Variants in ENO4 observed in about 807,000 individuals in gnomAD.
ENO4 encodes the protein 2-phospho-D-glycerate hydro-lyase.
Under a neutral mutation model 63.2 loss-of-function variants are expected in ENO4, and 53 were observed. That is an observed-to-expected ratio of 0.84 (90% CI 0.67 to 1.05). The LOEUF (loss-of-function observed/expected upper bound fraction) is 1.05. ENO4 is among the 50% of genes least tolerant of loss of function. ENO4 has a pLI of 0.00. For synonymous variants in ENO4, 266 were observed against 283.8 expected (o/e 0.94, Z 0.63); for missense variants, 719 against 772.0 (o/e 0.93, Z 0.81).
chr10:116,886,518 T>C (rs1847169128), downstream of ENO4: 2 of 1,614,176 alleles, frequency 1.2e-6, no homozygotes, highest in Non-Finnish European at 1.7e-6. Flanking sequence ...GTTCGGCTTG[T>C]TTTTCACCGT....
chr10:116,901,823 C>G lies in ENO4; in HGVS notation c.1195-9676C>G, dbSNP rs1847749096. 2.5e-6 allele frequency: 4 copies of G among 1,600,950 alleles called. No individual in the cohort carries two copies. The East Asian group carries it at 9.0e-5, about 36-fold the overall frequency. Reference sequence around the variant, plus strand: ...AATTTACGGGGCCCTTCACCTGGCTCAGGTGTTGGGGGGGACGGGCTGTTG... The same window carrying G: ...AATTTACGGGGCCCTTCACCTGGCTGAGGTGTTGGGGGGGACGGGCTGTTG... On this transcript the variant is annotated intron_variant, in intron 10 of 10. Transcript: ENST00000369207.
rs998451010 is a variant in ENO4 at position 116,871,277 on chromosome 10, T to C, written c.1200T>C (p.His400=). Residue 400 remains histidine (H), a synonymous_variant, in exon 9 of 14, where the codon CAT becomes CAC. Coordinates refer to ENST00000341276, the MANE Select transcript of ENO4 (RefSeq NM_001242699.2). ...ATCTAGCTATCAACTGTGCTGGACA[T>C]GAGCTGATGGACTACGTAAGTTTCC... ...NLHLAINCAG[H]ELMDYNKGKY... The C allele has an allele frequency of 3.2e-6, 5 of 1,548,508 alleles. No individual in the cohort carries two copies. The highest frequency in any genetic ancestry group is 4.4e-6 in the Non-Finnish European group (5 of 1,145,400).
chr10:116,860,733 T>C (rs1846386924), intron 4 of ENO4, 61 bp from the exon 5 acceptor site: 1 of 1,202,346 alleles, frequency 8.3e-7, no homozygotes, highest in East Asian at 2.9e-5. Context: ...TTCCTGGGTC[T>C]TTCCATCTGT....
chr10:116,896,709 G>A (rs187558073), intron 10 of ENO4, among the ~76,000 whole-genome samples: 2 of 151,936 alleles, frequency 1.3e-5, no homozygotes, highest in Admixed American at 6.5e-5. Context: ...GAGCGGCTCC[G>A]AAGCAGTCGT....
At chr10:116,900,573 C>A (rs1311740255) in intron 10 of ENO4, 2 of 1,533,126 alleles carry the variant, frequency 1.3e-6, no homozygotes, top group South Asian at 1.2e-5. Context: ...AAAATCTATA[C>A]ACACACACTG....
intron 11 of ENO4, among the ~76,000 whole-genome samples, chr10:116,878,893 AC>A (rs1252090098): frequency 6.6e-6 from 1 of 151,642 alleles, no homozygotes; most frequent in Non-Finnish European, 1.5e-5. Context: ...ACAGGTGCCT[AC>A]CACCACGCCC....
At chr10:116,865,009 G>C (rs1470672658) in intron 7 of ENO4, among the ~76,000 whole-genome samples, 2 of 152,124 alleles carry the variant, frequency 1.3e-5, no homozygotes, top group Non-Finnish European at 2.9e-5. Flanking sequence ...AATAGAGTGA[G>C]ACTCCGTCTC....
intron 4 of ENO4, 114 bp downstream of exon 4, chr10:116,859,252 G>A (rs1046029030): frequency 2.7e-5 from 33 of 1,239,740 alleles, no homozygotes; most frequent in Middle Eastern, 2.4e-4. Context: ...TTGGGCTCAC[G>A]GCTAAAAGCC....
intron 7 of ENO4, among the ~76,000 whole-genome samples, chr10:116,867,301 C>T (rs953870624): frequency 1.3e-5 from 2 of 151,930 alleles, no homozygotes; most frequent in African/African-American, 4.8e-5. Context: ...CAGTTTTTAG[C>T]CATTTTTAAA....
chr10:116,899,730 T>C (rs905574013), intron 10 of ENO4, among the ~76,000 whole-genome samples: 1 of 152,174 alleles, frequency 6.6e-6, no homozygotes, highest in Non-Finnish European at 1.5e-5. Flanking sequence ...AAGACAGTTT[T>C]TAAAAGCAAA....
chr10:116,886,406 G>C (rs1315220092), downstream of ENO4: 15 of 1,587,346 alleles, frequency 9.4e-6, no homozygotes, highest in Non-Finnish European at 2.6e-6. Context: ...TTTTCTGGTT[G>C]AATTTCGCCT....
Position 116,874,056 on chromosome 10 carries a change from A to G in ENO4, c.1216-20A>G, listed in dbSNP as rs1430952585. ...TTCATTATTTATCCCTTATTTTAAT[A>G]TTTTCCTGACACATATCAGAATAAA... On this transcript the variant is annotated intron_variant, in intron 9 of 13. Transcript: ENST00000341276. 1 of 1,520,684 alleles carries G rather than the reference A, an allele frequency of 6.6e-7. No homozygotes were observed. Among genetic ancestry groups the G allele is most frequent in the South Asian group, 1.2e-5 (1 of 80,618 alleles). 94.2% of individuals were successfully genotyped at this position (1,520,684 alleles called of 1,614,324 possible).
At chr10:116,865,831 G>C (rs1308053811) in intron 7 of ENO4, among the ~76,000 whole-genome samples, 2 of 152,196 alleles carry the variant, frequency 1.3e-5, no homozygotes, top group Non-Finnish European at 2.9e-5. Context: ...CTGCTTTAAG[G>C]CTGTTGCTTT....
At chr10:116,891,823 T>C (rs778754102) in intron 10 of ENO4, among the ~76,000 whole-genome samples, 1 of 152,216 alleles carries the variant, frequency 6.6e-6, no homozygotes, top group Non-Finnish European at 1.5e-5. Context: ...CTACCGATTC[T>C]AGCATTATTT....
chr10:116,873,895 C>T (rs2133274545), intron 9 of ENO4, 181 bp from the exon 10 acceptor site: 1 of 984,028 alleles, frequency 1.0e-6, no homozygotes, highest in South Asian at 4.7e-5. Context: ...CTTGATTTCC[C>T]AGGTTAATAT....
At chr10:116,877,066 C>G (rs1262742297) in intron 11 of ENO4, among the ~76,000 whole-genome samples, 2 of 152,092 alleles carry the variant, frequency 1.3e-5, no homozygotes, top group Non-Finnish European at 2.9e-5. Context: ...CCTGGGTACC[C>G]ATCTGCACTA....
intron 10 of ENO4, among the ~76,000 whole-genome samples, chr10:116,898,864 C>T (rs946764810): frequency 3.3e-5 from 5 of 151,924 alleles, no homozygotes; most frequent in African/African-American, 1.2e-4. Flanking sequence ...TCTTATAAGT[C>T]CCTAGGAAAT....
At chr10:116,907,407 G>A (rs1848013497) in intron 10 of ENO4, among the ~76,000 whole-genome samples, 1 of 152,064 alleles carries the variant, frequency 6.6e-6, no homozygotes, top group Non-Finnish European at 1.5e-5. Context: ...TATTATTCAG[G>A]GCCCAGAAGA....
chr10:116,900,503 A>C lies in ENO4; in HGVS notation c.1195-10996A>C, dbSNP rs1156452613. ...TTTTGGAGAACAAAAGGCAGACAAA[A>C]GGAGGAAGGAGTTGCAGTATTTTCT... On this transcript the variant is annotated intron_variant, in intron 10 of 10. Coordinates refer to the ENO4 transcript ENST00000369207. The C allele has an allele frequency of 1.7e-5, 25 of 1,491,592 alleles. No individual in the cohort carries two copies. The South Asian group carries it at 1.7e-4, about 10-fold the overall frequency. The allele number at this position is 1,491,592 out of a possible 1,614,324, so 92.4% of individuals were successfully genotyped here.
Sources: allele counts gnomAD v4.1 joint callset (sites outside exome capture counted in the v4.1 genomes callset), GRCh38; gene constraint gnomAD v4.1.1; transcripts MANE v1.5; gene names NCBI Gene and HGNC (gene_info 2026-07-23, HGNC 2026-07-21).